The following UBE4B variants were observed in gnomAD, a reference collection of about 807,000 sequenced individuals.
UBE4B encodes the protein ubiquitination factor E4B, also known as ubiquitin conjugation factor E4 B.
UBE4B carries 27 observed loss-of-function variants against 148.1 expected under a neutral mutation model. The ratio of observed to expected loss-of-function variants is 0.18; its 90% CI spans 0.13 to 0.25. UBE4B has a LOEUF of 0.25. UBE4B is among the 10% of genes least tolerant of loss of function. UBE4B has a pLI of 1.00. For missense variants in UBE4B, 1,170 were observed against 1,662.4 expected, an observed-to-expected ratio of 0.70 and a Z score of 5.15; for synonymous variants, 596 against 619.3, an observed-to-expected ratio of 0.96 and a Z score of 0.56.
chr1:10,033,776 G>GTC, intron 1 of UBE4B, 82 bp downstream of exon 1: 1 of 1,381,302 alleles, frequency 7.2e-7, no homozygotes. Context: ...CGCCAGTGCT[G>GTC]TCTGGCCTTT....
chr1:10,060,289 A>G (rs779560572), intron 1 of UBE4B, among the ~76,000 whole-genome samples: 4 of 152,192 alleles, frequency 2.6e-5, no homozygotes, highest in Admixed American at 6.5e-5. Flanking sequence ...AACTCCTTGG[A>G]TACTTACGGT....
rs200309857 is a variant in UBE4B at position 10,103,084 on chromosome 1, C to G, written c.572C>G (p.Pro191Arg). ...CTTTCTGCACAGTTTAAGCAGAACC[C>G]AAAAGAAGGTAGGAATCTAGCTCAG... ...SSLSAQFKQN[P>R]KEVFSDFKDL... is the part of the protein sequence containing the mutation. The change falls in exon 5 of 28, where the codon CCA becomes CGA. Residue 191 changes from proline (P) to arginine (R), a missense_variant. Physicochemically the swap from Pro to Arg is moderately radical, Grantham distance 103. Coordinates refer to ENST00000343090, the MANE Select transcript of UBE4B (RefSeq NM_001105562.3). The G allele has an allele frequency of 1.9e-5, 30 of 1,603,198 alleles. No individual in the cohort carries two copies. The East Asian group carries it at 5.8e-4, about 31-fold the overall frequency.
chr1:10,057,074 A>C (rs190568788), intron 1 of UBE4B, among the ~76,000 whole-genome samples: 1 of 151,750 alleles, frequency 6.6e-6, no homozygotes, highest in East Asian at 1.9e-4. Flanking sequence ...AGCCTTCCAA[A>C]ATGCTGGGAT....
chr1:10,062,695 G>A (rs548064618), intron 1 of UBE4B, among the ~76,000 whole-genome samples: 1 of 152,308 alleles, frequency 6.6e-6, no homozygotes, highest in East Asian at 1.9e-4. Context: ...GGTGGCTCAC[G>A]CCTGTAATCC....
In UBE4B at chr1:10,106,238, G is replaced by A. The variant is rs753449921; in HGVS notation, c.851G>A (p.Ser284Asn). The A allele has an allele frequency of 1.2e-6, 2 of 1,612,912 alleles. No homozygotes were observed. Among genetic ancestry groups the A allele is most frequent in the Non-Finnish European group, 1.7e-6 (2 of 1,179,104 alleles). Residue 284 changes from serine (S) to asparagine (N), a missense_variant, in exon 7 of 28, where the codon AGC becomes AAC. Physicochemically the swap from Ser to Asn is conservative, Grantham distance 46. Coordinates refer to ENST00000343090, the MANE Select transcript of UBE4B (RefSeq NM_001105562.3). This position sits in a 1 kb window ranked among gnomAD's most constrained non-coding sequence, Gnocchi z 4.2. Reference sequence around the variant, plus strand: ...CCGGCTCCCACTCCCAGTTTCTGGAGCTCTGTTCCCGTGATGGGCCCGTCT... The same window carrying A: ...CCGGCTCCCACTCCCAGTTTCTGGAACTCTGTTCCCGTGATGGGCCCGTCT... ...SSPAPTPSFW[S>N]SVPVMGPSLA...
At position 10,053,138 on chromosome 1, in the gene UBE4B, T is replaced by TTTTA. The variant is rs912338273; in HGVS notation, c.25-18866_25-18863dup. ...ACAGGTGTTTACAACCGTGCATGGC[T>TTTTA]TTTATTTATTTATTTATTTATTTAT... On this transcript the variant is annotated intron_variant, in intron 1 of 27. Transcript: ENST00000343090. Among the ~76,000 whole-genome samples, 77 of 151,728 alleles carry TTTTA rather than the reference T, an allele frequency of 5.1e-4. 1 individual carries two copies. Among genetic ancestry groups the TTTTA allele is most frequent in the Middle Eastern group, 3.4e-3 (1 of 292 alleles).
intron 7 of UBE4B, among the ~76,000 whole-genome samples, chr1:10,108,381 C>T (rs1016883599): frequency 7.9e-5 from 12 of 152,266 alleles, no homozygotes; most frequent in African/African-American, 2.4e-4. Flanking sequence ...TTGAAATGAC[C>T]GCAGAGGCTG....
Position 10,142,180 on chromosome 1 carries a change from C to T in UBE4B, c.2364-2760C>T, listed in dbSNP as rs144858038. Among the ~76,000 whole-genome samples, 6 of 152,228 alleles carry T rather than the reference C, an allele frequency of 3.9e-5. No individual in the cohort carries two copies. In the East Asian group the frequency reaches 1.2e-3, roughly 29 times the overall value. The stretch of plus-strand genomic sequence containing the variant: ...GCTACCAGTGTTCCATCCTCAAATA[C>T]TAATTGTATCTTCACCATGCAGCCC... On this transcript the variant is annotated intron_variant, in intron 17 of 27. Transcript: ENST00000343090.
In UBE4B at chr1:10,130,595, C is replaced by G; in HGVS notation, c.1791C>G (p.Phe597Leu). 1 of 1,614,188 alleles carries G rather than the reference C, an allele frequency of 6.2e-7. No individual in the cohort carries two copies. Among genetic ancestry groups the G allele is most frequent in the East Asian group, 2.2e-5 (1 of 44,876 alleles). The change falls in exon 13 of 28, where the codon TTC becomes TTG. Residue 597 changes from phenylalanine to leucine, a missense_variant. By Grantham distance (22) the Phe-to-Leu change is conservative (BLOSUM62 0). This residue lies in a region of UBE4B where 388 missense variants were observed against 536.0 expected (regional missense o/e 0.72). Transcript: ENST00000343090. ...RLSYLGAFFSFSVFAEDDVKV... is the reference protein window; with the variant it reads ...RLSYLGAFFSLSVFAEDDVKV... Reference sequence around the variant, plus strand: ...CTTACTTAGGGGCTTTCTTTAGCTTCTCAGTCTTTGCAGAAGATGATGTAA... The same window carrying G: ...CTTACTTAGGGGCTTTCTTTAGCTTGTCAGTCTTTGCAGAAGATGATGTAA...
intron 25 of UBE4B, among the ~76,000 whole-genome samples, chr1:10,176,175 G>A (rs1425351692): frequency 6.6e-6 from 1 of 152,190 alleles, no homozygotes; most frequent in Non-Finnish European, 1.5e-5. Context: ...GAATGTATCA[G>A]TATTTCATTC....
intron 2 of UBE4B, among the ~76,000 whole-genome samples, chr1:10,082,632 CTTTTTTT>C (rs5772395): frequency 2.8e-5 from 3 of 105,912 alleles, no homozygotes; most frequent in Non-Finnish European, 5.8e-5. Context: ...AAGAAGGCGA[CTTTTTTT>C]TTTTTTTTTT....
intron 17 of UBE4B, among the ~76,000 whole-genome samples, chr1:10,141,156 G>A (rs1405253164): frequency 1.3e-5 from 2 of 152,134 alleles, no homozygotes; most frequent in African/African-American, 2.4e-5. Context: ...GGTTGGTAGA[G>A]TAATGGCATC....
intron 16 of UBE4B, 89 bp downstream of exon 16, chr1:10,135,275 A>G: frequency 7.7e-7 from 1 of 1,295,148 alleles, no homozygotes; most frequent in South Asian, 1.3e-5. Context: ...CCACCTCACC[A>G]TAAAATGAAC....
chr1:10,070,320 A>G (rs1644462697), intron 1 of UBE4B, among the ~76,000 whole-genome samples: 1 of 151,940 alleles, frequency 6.6e-6, no homozygotes, highest in Non-Finnish European at 1.5e-5. Flanking sequence ...TATATTTAAC[A>G]TATAAACTAT....
At chr1:10,177,440 A>C (rs925788461) in intron 25 of UBE4B, among the ~76,000 whole-genome samples, 1 of 152,122 alleles carries the variant, frequency 6.6e-6, no homozygotes, top group African/African-American at 2.4e-5. Context: ...CAGTGAGCCG[A>C]GAGCGTGCCT....
At chr1:10,041,224 G>C (rs972934647) in intron 1 of UBE4B, among the ~76,000 whole-genome samples, 5 of 151,834 alleles carry the variant, frequency 3.3e-5, no homozygotes, top group Admixed American at 3.3e-4. Flanking sequence ...CACACAACTA[G>C]TAAGTGGTAG....
Position 10,175,462 on chromosome 1 carries a change from T to C in UBE4B, c.3526-3182T>C, listed in dbSNP as rs7556506. Among the ~76,000 whole-genome samples the C allele has an allele frequency of 4.9e-3, 733 of 150,658 alleles. 11 individuals are homozygous for C. Among genetic ancestry groups the C allele is most frequent in the African/African-American group, 0.012 (499 of 40,526 alleles). ...GTCAGGAGATCGAGACCGTCCTGGC[T>C]AACACGGTGAAACCCCATCTCTACT... On this transcript the variant is annotated intron_variant, in intron 25 of 27. Coordinates refer to ENST00000343090, the MANE Select transcript of UBE4B (RefSeq NM_001105562.3).
chr1:10,145,077 C>T (rs1557593737), intron 18 of UBE4B, 38 bp downstream of exon 18: 1 of 1,525,340 alleles, frequency 6.6e-7, no homozygotes, highest in Non-Finnish European at 9.0e-7. Flanking sequence ...AGACCAGCCT[C>T]ATAGTGATAA....
intron 11 of UBE4B, among the ~76,000 whole-genome samples, chr1:10,127,863 CAG>C (rs965356551): frequency 2.0e-5 from 3 of 152,198 alleles, no homozygotes; most frequent in Non-Finnish European, 4.4e-5. Context: ...AATGTTAAAA[CAG>C]AGCTGTACAC....
Sources: allele counts gnomAD v4.1 joint callset (sites outside exome capture counted in the v4.1 genomes callset), GRCh38; gene constraint gnomAD v4.1.1; regional missense constraint gnomAD v4.1.1; non-coding constraint Gnocchi (gnomAD v3.1); transcripts MANE v1.5; gene names NCBI Gene and HGNC (gene_info 2026-07-23, HGNC 2026-07-21).